Variants in SLC38A1 observed in about 807,000 individuals in gnomAD.
SLC38A1 encodes sodium-coupled neutral amino acid symporter 1.
In SLC38A1, 18 loss-of-function variants were observed where a neutral mutation model predicts 60.3. The observed-to-expected ratio is 0.30, with a 90% confidence interval of 0.21 to 0.44. SLC38A1 has a LOEUF of 0.44. Ranked by LOEUF, SLC38A1 falls within the 20% of genes least tolerant of loss-of-function variation. The pLI, the probability that SLC38A1 is intolerant of heterozygous loss-of-function variation, is 1.00. For missense variants in SLC38A1, 448 were observed against 587.2 expected, an observed-to-expected ratio of 0.76 and a Z score of 2.45; for synonymous variants, 196 against 212.1, an observed-to-expected ratio of 0.92 and a Z score of 0.66.
rs1238562697 is a variant in SLC38A1 at position 46,199,306 on chromosome 12, TTTGTG to T, written c.1004-568_1004-564del. Among the ~76,000 whole-genome samples, 30 of 110,954 alleles carry T rather than the reference TTTGTG, an allele frequency of 2.7e-4. 1 individual carries two copies. In the East Asian group the frequency reaches 7.7e-3, roughly 29 times the overall value. The allele number at this position is 110,954 out of a possible 152,430, so 72.8% of individuals were successfully genotyped here. Reference sequence around the variant, plus strand: ...AAAAAAAAATTAGTTTATGTACTACTTTGTGTGTGTGTGTGTGTGTGTGTGTGTGT... The same window carrying T: ...AAAAAAAAATTAGTTTATGTACTACTTGTGTGTGTGTGTGTGTGTGTGTGT... On this transcript the variant is annotated intron_variant, in intron 13 of 16. Transcript: ENST00000398637.
At position 46,243,274 on chromosome 12, in the gene SLC38A1, T is replaced by C. The variant is rs1592137268; in HGVS notation, c.-168A>G. On this transcript the variant is annotated 5_prime_UTR_variant, in exon 2 of 17. It removes an upstream start codon present in the reference 5' UTR. Transcript: ENST00000398637. ...GCCTTCCAGGGTTTTTCTATGCACATAGATATAGTGCCTGGCACACAGTAG... is the reference window on the plus strand; with the variant it reads ...GCCTTCCAGGGTTTTTCTATGCACACAGATATAGTGCCTGGCACACAGTAG... 1.3e-5 allele frequency: 2 copies of C among 152,152 alleles called. No individual in the cohort carries two copies. The highest frequency in any genetic ancestry group is 3.9e-4 in the East Asian group (2 of 5,178). The allele number at this position is 152,152 out of a possible 1,614,324, so 9.4% of individuals were successfully genotyped here.
Position 46,229,612 on chromosome 12 carries a change from T to C in SLC38A1, c.150A>G (p.Arg50=), listed in dbSNP as rs533903435. The part of the protein sequence containing the change: ...NSKFISDRES[R]RSLTNSHLEK... ...CCAAATGGCTGTTTGTGAGACTTCT[T>C]CTACTTTCACGATCAGAAATAAACT... Residue 50 remains arginine, a synonymous_variant, in exon 4 of 17, where the codon AGA becomes AGG. Transcript: ENST00000398637. The C allele has an allele frequency of 6.2e-4, 995 of 1,613,722 alleles. 14 individuals carry two copies. In the South Asian group the frequency reaches 9.7e-3, roughly 16 times the overall value.
chr12:46,204,454 T>G (rs1162261779), intron 10 of SLC38A1, 37 bp from the exon 11 acceptor site: 1 of 1,593,608 alleles, frequency 6.3e-7, no homozygotes. Flanking sequence ...AATATGGACT[T>G]TAGTAAAGCC....
intron 2 of SLC38A1, among the ~76,000 whole-genome samples, chr12:46,242,885 G>A (rs1941492845): frequency 6.6e-6 from 1 of 151,848 alleles, no homozygotes; most frequent in African/African-American, 2.4e-5. Flanking sequence ...CCCCCAAATG[G>A]GCCACTGTTA....
intron 1 of SLC38A1, among the ~76,000 whole-genome samples, chr12:46,246,389 G>A (rs914217812): frequency 1.2e-4 from 18 of 152,380 alleles, no homozygotes; most frequent in African/African-American, 3.8e-4. Flanking sequence ...CATGCCCACA[G>A]AACCTTGCTC....
At chr12:46,195,355 C>T (rs757491650) in intron 16 of SLC38A1, among the ~76,000 whole-genome samples, 1 of 152,204 alleles carries the variant, frequency 6.6e-6, no homozygotes, top group Non-Finnish European at 1.5e-5. Context: ...TATCTCTCAG[C>T]CCCTGATGGG....
At chr12:46,196,886 C>A (rs2136951053) in intron 16 of SLC38A1, among the ~76,000 whole-genome samples, 1 of 152,282 alleles carries the variant, frequency 6.6e-6, no homozygotes, top group East Asian at 1.9e-4. Flanking sequence ...AAACAAGAAT[C>A]CCAATATAGA....
intron 11 of SLC38A1, among the ~76,000 whole-genome samples, chr12:46,203,525 C>T (rs548042898): frequency 4.5e-4 from 69 of 152,326 alleles, no homozygotes; most frequent in African/African-American, 1.3e-3. Flanking sequence ...CTTCGCTCTA[C>T]ATCAGGTGCA....
intron 13 of SLC38A1, among the ~76,000 whole-genome samples, chr12:46,200,244 T>A (rs1300698084): frequency 6.6e-6 from 1 of 152,164 alleles, no homozygotes; most frequent in African/African-American, 2.4e-5. Flanking sequence ...ATCTGTATAA[T>A]CAGAGTAGCC....
At chr12:46,198,551 G>T in intron 14 of SLC38A1, 74 bp downstream of exon 14, 1 of 1,004,462 alleles carries the variant, frequency 1.0e-6, no homozygotes, top group Non-Finnish European at 1.5e-6. Flanking sequence ...GGCTTTCTCT[G>T]CAACGGGCTC....
intron 1 of SLC38A1, among the ~76,000 whole-genome samples, chr12:46,257,937 C>T (rs564434246): frequency 3.4e-4 from 52 of 152,318 alleles, no homozygotes; most frequent in African/African-American, 1.2e-3. Flanking sequence ...GAAATGGCTA[C>T]GCCATAGACA....
At chr12:46,265,820 T>C (rs1001544316) in intron 1 of SLC38A1, among the ~76,000 whole-genome samples, 2 of 152,166 alleles carry the variant, frequency 1.3e-5, no homozygotes, top group Admixed American at 6.5e-5. Context: ...CTTAACCATA[T>C]GTTGTGCTTG....
intron 3 of SLC38A1, among the ~76,000 whole-genome samples, chr12:46,235,799 G>GA (rs1488424844): frequency 1.3e-5 from 2 of 152,136 alleles, no homozygotes; most frequent in African/African-American, 4.8e-5. Flanking sequence ...AAATCTTAAT[G>GA]AAAAAATCTC....
At chr12:46,248,238 G>T (rs925554946) in intron 1 of SLC38A1, among the ~76,000 whole-genome samples, 2 of 152,064 alleles carry the variant, frequency 1.3e-5, no homozygotes, top group African/African-American at 4.8e-5. Context: ...GACACAGACT[G>T]GCAAATTGGA....
intron 1 of SLC38A1, among the ~76,000 whole-genome samples, chr12:46,247,009 ACCAAAAC>A (rs1565790001): frequency 6.6e-6 from 1 of 152,174 alleles, no homozygotes. Flanking sequence ...GGACATCCAC[ACCAAAAC>A]CCCATCTGTA....
chr12:46,201,116 C>G lies in SLC38A1; in HGVS notation c.985G>C (p.Gly329Arg). 1 of 1,611,406 alleles carries G rather than the reference C, an allele frequency of 6.2e-7. No individual in the cohort carries two copies. The highest frequency in any genetic ancestry group is 8.5e-7 in the Non-Finnish European group (1 of 1,178,634). The part of the protein sequence containing the change: ...FVMYFLTAIF[G>R]YLTFYDNVQS... The stretch of plus-strand genomic sequence containing the variant: ...TACTTACCATAGAATGTCAAGTAGC[C>G]AAAAATGGCAGTCAAGAAGTACATA... The change falls in exon 13 of 17, where the codon GGC becomes CGC. Residue 329 changes from glycine (G) to arginine (R), a missense_variant. Coordinates refer to ENST00000398637, the MANE Select transcript of SLC38A1 (RefSeq NM_030674.4).
chr12:46,249,744 T>A (rs891703222), intron 1 of SLC38A1, among the ~76,000 whole-genome samples: 2 of 151,998 alleles, frequency 1.3e-5, no homozygotes, highest in African/African-American at 4.8e-5. Flanking sequence ...CTAGGAAAAA[T>A]GGCTGAATTC....
chr12:46,208,989 C>T, intron 6 of SLC38A1, 65 bp downstream of exon 6: 1 of 1,122,002 alleles, frequency 8.9e-7, no homozygotes. Context: ...CATCATTGTT[C>T]CACAATGCTA....
chr12:46,192,456 T>A (rs1353466319), intron 16 of SLC38A1, among the ~76,000 whole-genome samples: 1 of 152,236 alleles, frequency 6.6e-6, no homozygotes, highest in South Asian at 2.1e-4. Flanking sequence ...TAAAATGAGT[T>A]AGGGAGGATT....
Sources: allele counts gnomAD v4.1 joint callset (sites outside exome capture counted in the v4.1 genomes callset), GRCh38; gene constraint gnomAD v4.1.1; transcripts MANE v1.5; gene names NCBI Gene and HGNC (gene_info 2026-07-23, HGNC 2026-07-21).